The following ADAMTSL1 variants were observed in gnomAD, a reference collection of about 807,000 sequenced individuals.
ADAMTSL1 encodes ADAMTS like 1.
A neutral mutation model predicts 201.8 loss-of-function variants in ADAMTSL1; 126 were observed. That is an observed-to-expected ratio of 0.62 (90% CI 0.54 to 0.72). ADAMTSL1 has a LOEUF of 0.72. Among genes scored for constraint, ADAMTSL1 ranks in the 30% least tolerant of loss-of-function variants. ADAMTSL1 has a pLI of 0.00. For missense variants in ADAMTSL1, 2,679 were observed against 2,277.8 expected (o/e 1.18, Z -3.59); for synonymous variants, 1,121 against 903.4 (o/e 1.24, Z -4.32).
At chr9:18,247,894 G>T (rs1358149516) in intron 2 of ADAMTSL1, among the ~76,000 whole-genome samples, 1 of 151,942 alleles carries the variant, frequency 6.6e-6, no homozygotes, top group Non-Finnish European at 1.5e-5. Context: ...TATATGGATT[G>T]GATACTAAGG....
intron 1 of ADAMTSL1, among the ~76,000 whole-genome samples, chr9:18,133,490 C>T (rs1234662142): frequency 1.3e-5 from 2 of 152,152 alleles, no homozygotes; most frequent in Non-Finnish European, 2.9e-5. Context: ...AATCTGACAA[C>T]TAAGTATTAA....
chr9:18,212,861 C>A (rs1427522162), intron 2 of ADAMTSL1, among the ~76,000 whole-genome samples: 2 of 152,142 alleles, frequency 1.3e-5, no homozygotes, highest in Admixed American at 6.5e-5. Context: ...TTTTTCCCCA[C>A]AATGGTCATA....
intron 2 of ADAMTSL1, among the ~76,000 whole-genome samples, chr9:18,229,417 G>A (rs566432111): frequency 2.6e-5 from 4 of 152,090 alleles, no homozygotes; most frequent in South Asian, 2.1e-4. Flanking sequence ...GTTTTGAATC[G>A]TGCCTGCCCC....
At chr9:18,875,991 A>G (rs1828124631) in intron 23 of ADAMTSL1, among the ~76,000 whole-genome samples, 2 of 152,034 alleles carry the variant, frequency 1.3e-5, no homozygotes, top group African/African-American at 4.8e-5. Context: ...ATCATTATAT[A>G]TGTCTCTCTT....
At chr9:18,337,415 C>T (rs565254101) in intron 2 of ADAMTSL1, among the ~76,000 whole-genome samples, 6 of 152,236 alleles carry the variant, frequency 3.9e-5, no homozygotes, top group African/African-American at 7.2e-5. Flanking sequence ...TGGTGTGAGT[C>T]GATACTCCTT....
At chr9:18,147,354 C>A (rs1035006876) in intron 1 of ADAMTSL1, among the ~76,000 whole-genome samples, 7 of 151,964 alleles carry the variant, frequency 4.6e-5, no homozygotes, top group African/African-American at 1.7e-4. Flanking sequence ...AAAAAGGTGG[C>A]TTAGCAACCA....
chr9:18,762,067 T>G (rs1820099755), intron 16 of ADAMTSL1, among the ~76,000 whole-genome samples: 1 of 152,258 alleles, frequency 6.6e-6, no homozygotes, highest in African/African-American at 2.4e-5. Context: ...GGAGCTCTTT[T>G]GCTCATCCAA....
chr9:18,099,817 G>A lies in ADAMTSL1; in HGVS notation c.88-64045G>A, dbSNP rs185098560. Among the ~76,000 whole-genome samples, 295 of 151,502 alleles carry A rather than the reference G, an allele frequency of 1.9e-3. 1 individual carries two copies. The highest frequency in any genetic ancestry group is 6.9e-3 in the African/African-American group (285 of 41,328). On this transcript the variant is annotated intron_variant, in intron 1 of 29. Transcript: ENST00000680146. ...AATTTTTTGCATTTTTAGTAGAGAC[G>A]GGGTTTCACTGTGTTACCCAGGATG...
intron 1 of ADAMTSL1, among the ~76,000 whole-genome samples, chr9:17,970,589 T>G (rs759588035): frequency 1.3e-5 from 2 of 152,052 alleles, no homozygotes; most frequent in East Asian, 3.9e-4. Flanking sequence ...CCCTCCTGTA[T>G]TTTTGCTGTT....
chr9:18,686,054 G>C (rs10811010), intron 13 of ADAMTSL1, among the ~76,000 whole-genome samples: 26,103 of 151,826 alleles, frequency 0.17, 2,435 homozygotes, highest in South Asian at 0.27. Flanking sequence ...GAGTAGCTGG[G>C]ACTACAGGTG....
chr9:18,357,282 T>G (rs1239779149), intron 2 of ADAMTSL1, among the ~76,000 whole-genome samples: 1 of 152,108 alleles, frequency 6.6e-6, no homozygotes, highest in African/African-American at 2.4e-5. Flanking sequence ...ATAATCCTGT[T>G]GAAAAAAAGA....
intron 1 of ADAMTSL1, among the ~76,000 whole-genome samples, chr9:18,064,275 T>A (rs1822595393): frequency 6.6e-6 from 1 of 152,062 alleles, no homozygotes; most frequent in Non-Finnish European, 1.5e-5. Flanking sequence ...TGTAGGGACA[T>A]GCAGAGGGAA....
At chr9:18,176,903 T>G (rs1012991251) in intron 2 of ADAMTSL1, among the ~76,000 whole-genome samples, 1 of 152,274 alleles carries the variant, frequency 6.6e-6, no homozygotes, top group East Asian at 1.9e-4. Context: ...AAACAGCGCT[T>G]GATTTTATTA....
intron 1 of ADAMTSL1, among the ~76,000 whole-genome samples, chr9:18,030,344 C>T (rs906162673): frequency 8.6e-5 from 13 of 151,928 alleles, no homozygotes; most frequent in Admixed American, 7.2e-4. Context: ...GGGAATTGAA[C>T]AATGAGAACA....
At chr9:18,126,461 G>A (rs1048003467) in intron 1 of ADAMTSL1, among the ~76,000 whole-genome samples, 13 of 152,126 alleles carry the variant, frequency 8.5e-5, no homozygotes, top group Admixed American at 2.6e-4. Context: ...CCCCTTTGGC[G>A]TTGTCTTTAT....
At chr9:18,101,323 C>A (rs1016333013) in intron 1 of ADAMTSL1, among the ~76,000 whole-genome samples, 2 of 151,942 alleles carry the variant, frequency 1.3e-5, no homozygotes, top group African/African-American at 4.8e-5. Context: ...GGGTGAAACC[C>A]CGTATCTACT....
At chr9:18,609,008 A>G (rs1196308648) in intron 4 of ADAMTSL1, among the ~76,000 whole-genome samples, 1 of 152,172 alleles carries the variant, frequency 6.6e-6, no homozygotes, top group Non-Finnish European at 1.5e-5. Context: ...TTCAACTGGC[A>G]TATTGATACA....
intron 2 of ADAMTSL1, among the ~76,000 whole-genome samples, chr9:18,188,112 A>G (rs981115491): frequency 2.7e-4 from 41 of 152,112 alleles, no homozygotes; most frequent in African/African-American, 9.4e-4. Context: ...AAAAAGAGAA[A>G]CCCTAGGAAA....
At chr9:18,830,360 G>A (rs1824897437) in intron 23 of ADAMTSL1, among the ~76,000 whole-genome samples, 1 of 152,140 alleles carries the variant, frequency 6.6e-6, no homozygotes, top group Non-Finnish European at 1.5e-5. Flanking sequence ...ATGATCCCCT[G>A]CCACCTAAAC....
Sources: allele counts gnomAD v4.1 joint callset (sites outside exome capture counted in the v4.1 genomes callset), GRCh38; gene constraint gnomAD v4.1.1; transcripts MANE v1.5; gene names NCBI Gene and HGNC (gene_info 2026-07-23, HGNC 2026-07-21).